The following PCSK6 variants were observed in gnomAD, a reference collection of about 807,000 sequenced individuals.
PCSK6 encodes the protein proprotein convertase subtilisin/kexin type 6.
A neutral mutation model predicts 123.3 loss-of-function variants in PCSK6; 85 were observed. The ratio of observed to expected loss-of-function variants is 0.69; its 90% CI spans 0.58 to 0.83. The LOEUF (loss-of-function observed/expected upper bound fraction) is 0.83, where lower values mean the gene tolerates loss of function less well. Ranked by LOEUF, PCSK6 falls within the 40% of genes least tolerant of loss-of-function variation. The pLI, the probability that PCSK6 is intolerant of heterozygous loss-of-function variation, is 0.00. For synonymous variants in PCSK6, 508 were observed against 516.0 expected, an observed-to-expected ratio of 0.98 and a Z score of 0.21; for missense variants, 1,191 against 1,282.3, an observed-to-expected ratio of 0.93 and a Z score of 1.09.
intron 9 of PCSK6, among the ~76,000 whole-genome samples, chr15:101,386,700 C>T (rs72770765): frequency 2.0e-5 from 3 of 152,320 alleles, no homozygotes; most frequent in South Asian, 2.1e-4. Flanking sequence ...GAATGTTCCA[C>T]GTGTGTACAG....
chr15:101,359,992 T>C (rs971744469), intron 13 of PCSK6, among the ~76,000 whole-genome samples: 2 of 151,844 alleles, frequency 1.3e-5, no homozygotes, highest in African/African-American at 4.8e-5. Context: ...TCCAGCATCT[T>C]CCCCCCCTGC....
chr15:101,395,834 G>C (rs2042396708), intron 7 of PCSK6, among the ~76,000 whole-genome samples: 1 of 152,196 alleles, frequency 6.6e-6, no homozygotes. Flanking sequence ...AGTGTCTTTA[G>C]CCACAGCAAT....
chr15:101,408,822 T>C (rs2042852694), intron 6 of PCSK6, among the ~76,000 whole-genome samples: 1 of 152,204 alleles, frequency 6.6e-6, no homozygotes, highest in Non-Finnish European at 1.5e-5. Context: ...GACTCAGAAT[T>C]AACATAATTA....
chr15:101,360,240 C>T (rs1279870860), intron 13 of PCSK6, among the ~76,000 whole-genome samples: 2 of 152,170 alleles, frequency 1.3e-5, no homozygotes, highest in Non-Finnish European at 2.9e-5. Context: ...TTGTTCCTCT[C>T]CCACCCTCAC....
intron 2 of PCSK6, among the ~76,000 whole-genome samples, chr15:101,438,172 C>T (rs1376676996): frequency 1.3e-5 from 2 of 152,224 alleles, no homozygotes; most frequent in African/African-American, 2.4e-5. Flanking sequence ...GACTTTGTTA[C>T]AACTGCCCCC....
intron 1 of PCSK6, among the ~76,000 whole-genome samples, chr15:101,474,951 G>A (rs374344974): frequency 2.6e-5 from 4 of 152,180 alleles, no homozygotes; most frequent in Admixed American, 6.5e-5. Flanking sequence ...AGTTGTTTTC[G>A]GATGGGATGC....
chr15:101,311,269 T>C (rs1052459126), intron 20 of PCSK6, among the ~76,000 whole-genome samples: 2 of 149,276 alleles, frequency 1.3e-5, no homozygotes, highest in African/African-American at 2.5e-5. Flanking sequence ...CACTACCACG[T>C]CCAACTAATT....
In PCSK6 at chr15:101,454,980, G is replaced by GAATAAATAAATAAATAAATA. The variant is rs869105490; in HGVS notation, c.298-11321_298-11320insTATTTATTTATTTATTTATT. 1.3e-3 allele frequency among the ~76,000 whole-genome samples: 132 copies of GAATAAATAAATAAATAAATA among 97,924 alleles called. 2 individuals are homozygous for GAATAAATAAATAAATAAATA. The East Asian group carries it at 0.025, about 18-fold the overall frequency. 64.2% of individuals were successfully genotyped at this position (97,924 alleles called of 152,430 possible). ...TGAATGAATGAATGAATGAATGAATGAATAAATAAATAAATAAAAGGGTAC... is the reference window on the plus strand; with the variant it reads ...TGAATGAATGAATGAATGAATGAATGAATAAATAAATAAATAAATAAATAAATAAATAAATAAAAGGGTAC... On this transcript the variant is annotated intron_variant, in intron 1 of 21. Coordinates refer to ENST00000611716, the MANE Select transcript of PCSK6 (RefSeq NM_002570.5).
chr15:101,374,913 A>G (rs568350005), intron 11 of PCSK6, among the ~76,000 whole-genome samples: 1 of 151,626 alleles, frequency 6.6e-6, no homozygotes, highest in South Asian at 2.1e-4. Context: ...GGGCTTCCTT[A>G]TTCATATGAG....
At chr15:101,440,397 C>T (rs553960294) in intron 2 of PCSK6, among the ~76,000 whole-genome samples, 90 of 152,376 alleles carry the variant, frequency 5.9e-4, no homozygotes, top group Admixed American at 5.9e-4. Flanking sequence ...TGCGTGCACA[C>T]ACGTGCTTAA....
At chr15:101,318,981 G>A (rs975060087) in intron 18 of PCSK6, among the ~76,000 whole-genome samples, 5 of 152,236 alleles carry the variant, frequency 3.3e-5, no homozygotes, top group South Asian at 4.1e-4. Flanking sequence ...TTCCTCTTTC[G>A]CCCCATTTGT....
At chr15:101,325,171 C>T in intron 16 of PCSK6, 125 bp from the exon 17 acceptor site, 6 of 665,308 alleles carry the variant, frequency 9.0e-6, no homozygotes. Context: ...TGCCCTTTGT[C>T]TTGGTGAGTG....
chr15:101,459,717 C>A (rs1347609041), intron 1 of PCSK6, among the ~76,000 whole-genome samples: 1 of 151,190 alleles, frequency 6.6e-6, no homozygotes, highest in Non-Finnish European at 1.5e-5. Flanking sequence ...CTCACCAACA[C>A]CCCTCCCTCA....
intron 1 of PCSK6, among the ~76,000 whole-genome samples, chr15:101,486,919 T>C (rs890571176): frequency 2.6e-5 from 4 of 152,228 alleles, no homozygotes; most frequent in African/African-American, 9.6e-5. Flanking sequence ...TGAGCAGGGA[T>C]GGAACTGTCA....
At chr15:101,481,097 C>T (rs929015061) in intron 1 of PCSK6, among the ~76,000 whole-genome samples, 6 of 152,300 alleles carry the variant, frequency 3.9e-5, no homozygotes, top group Admixed American at 1.3e-4. Context: ...GTGGCAGAAT[C>T]GGAACTAACC....
rs879700634 is a variant in PCSK6, at chr15:101,366,385, G to T, written c.1722-53C>A. Reference sequence around the variant, plus strand: ...TGAAGGTGCTGGTACTGAGTGGCTGGGCGGAGGGGCTGGCACAAGCAGGGC... The same window carrying T: ...TGAAGGTGCTGGTACTGAGTGGCTGTGCGGAGGGGCTGGCACAAGCAGGGC... On this transcript the variant is annotated intron_variant, in intron 12 of 21. Transcript: ENST00000611716. 6 of 1,563,040 alleles carry T rather than the reference G, an allele frequency of 3.8e-6. No homozygotes were observed. In the African/African-American group the frequency reaches 5.5e-5, roughly 14 times the overall value.
intron 6 of PCSK6, among the ~76,000 whole-genome samples, chr15:101,414,211 A>T (rs2141068573): frequency 6.6e-6 from 1 of 152,302 alleles, no homozygotes; most frequent in East Asian, 1.9e-4. Context: ...GTAGGGAGAA[A>T]ATAATGACAT....
chr15:101,345,484 G>A (rs1441080875), intron 13 of PCSK6, among the ~76,000 whole-genome samples: 1 of 151,986 alleles, frequency 6.6e-6, no homozygotes, highest in Non-Finnish European at 1.5e-5. Context: ...CAAAACTCTG[G>A]AGGGGAAATT....
chr15:101,348,862 C>T (rs1260924817), intron 13 of PCSK6, among the ~76,000 whole-genome samples: 1 of 152,176 alleles, frequency 6.6e-6, no homozygotes, highest in African/African-American at 2.4e-5. Context: ...GTCCAAATCC[C>T]GTTCAGGAGC....
Sources: allele counts gnomAD v4.1 joint callset (sites outside exome capture counted in the v4.1 genomes callset), GRCh38; gene constraint gnomAD v4.1.1; transcripts MANE v1.5; gene names NCBI Gene and HGNC (gene_info 2026-07-23, HGNC 2026-07-21).